LRRC28: variants seen among roughly 807,000 people sequenced by gnomAD.
LRRC28 encodes the protein leucine rich repeat containing 28, also known as leucine-rich repeat-containing protein 28.
Under a neutral mutation model 45.7 loss-of-function variants are expected in LRRC28, and 39 were observed. That is an observed-to-expected ratio of 0.85 (90% CI 0.66 to 1.12). The LOEUF (loss-of-function observed/expected upper bound fraction) is 1.12, where lower values mean the gene tolerates loss of function less well. Among genes scored for constraint, LRRC28 ranks in the 50% most tolerant of loss-of-function variants. The probability of loss-of-function intolerance (pLI) is 0.00; values close to 1 mark genes in which losing one functional copy is unlikely to be tolerated. For synonymous variants in LRRC28, 206 were observed against 178.8 expected (o/e 1.15, Z -1.22); for missense variants, 435 against 438.5 (o/e 0.99, Z 0.07).
intron 9 of LRRC28, among the ~76,000 whole-genome samples, chr15:99,364,537 A>G (rs983170117): frequency 2.0e-5 from 3 of 152,224 alleles, no homozygotes; most frequent in Non-Finnish European, 4.4e-5. Context: ...TTAAATTAGA[A>G]TAAAAATAAT....
chr15:99,270,918 A>C (rs959873958), intron 2 of LRRC28, among the ~76,000 whole-genome samples: 1 of 152,204 alleles, frequency 6.6e-6, no homozygotes, highest in Non-Finnish European at 1.5e-5. Context: ...ATTCTTGCCA[A>C]CACTTGTTAC....
chr15:99,303,175 G>C (rs922705489), intron 5 of LRRC28, among the ~76,000 whole-genome samples: 1 of 152,130 alleles, frequency 6.6e-6, no homozygotes, highest in Non-Finnish European at 1.5e-5. Context: ...TTTTATGGTA[G>C]CTATTCTAGT....
intron 6 of LRRC28, among the ~76,000 whole-genome samples, chr15:99,352,155 C>A (rs1956901413): frequency 6.6e-6 from 1 of 152,168 alleles, no homozygotes; most frequent in African/African-American, 2.4e-5. Context: ...GGTTTAGGAA[C>A]CTGACTAAAG....
At chr15:99,343,828 C>CATCT (rs1261572298) in intron 6 of LRRC28, among the ~76,000 whole-genome samples, 2 of 152,150 alleles carry the variant, frequency 1.3e-5, no homozygotes, top group African/African-American at 2.4e-5. Context: ...ATATAAGAAA[C>CATCT]ATCTCAAAGC....
In LRRC28 at chr15:99,387,548, AC is replaced by A. The variant is rs1319432790; in HGVS notation, c.*1447del. ...CTTCGACTTCTGCAAAAGTCCATAA[AC>A]AGAAAGTCTGTGAGCCTCCACCCTG... On this transcript the variant is annotated 3_prime_UTR_variant, in exon 10 of 10. Coordinates refer to ENST00000301981, the MANE Select transcript of LRRC28 (RefSeq NM_144598.5). The A allele has an allele frequency of 1.3e-5, 2 of 152,136 alleles. No homozygotes were observed. Among genetic ancestry groups the A allele is most frequent in the African/African-American group, 4.8e-5 (2 of 41,404 alleles). 9.4% of individuals were successfully genotyped at this position (152,136 alleles called of 1,614,324 possible). A position where few individuals can be genotyped will look rare whatever the true frequency, so the allele number is the denominator to read the frequency against.
intron 5 of LRRC28, among the ~76,000 whole-genome samples, chr15:99,310,095 G>GTATT (rs79748160): frequency 0.15 from 22,327 of 152,136 alleles, 1,670 homozygotes; most frequent in Non-Finnish European, 0.17. Context: ...TGACTGAAAT[G>GTATT]TATTAAAACA....
At chr15:99,278,961 C>A (rs2081700696) in intron 3 of LRRC28, among the ~76,000 whole-genome samples, 1 of 152,216 alleles carries the variant, frequency 6.6e-6, no homozygotes, top group South Asian at 2.1e-4. Flanking sequence ...AGAGCACTTC[C>A]CTCATTTCCT....
chr15:99,257,695 T>C, intron 2 of LRRC28: 2 of 761,288 alleles, frequency 2.6e-6, no homozygotes, highest in Non-Finnish European at 4.9e-6. Context: ...GTCAGAGCTG[T>C]TGATGAAGTT....
At chr15:99,368,866 G>A (rs1957407497) in intron 9 of LRRC28, among the ~76,000 whole-genome samples, 1 of 152,146 alleles carries the variant, frequency 6.6e-6, no homozygotes, top group Non-Finnish European at 1.5e-5. Context: ...TAATAATAAT[G>A]TGCTCAATTC....
intron 5 of LRRC28, among the ~76,000 whole-genome samples, chr15:99,307,619 C>T (rs181580586): frequency 3.6e-4 from 55 of 152,026 alleles, no homozygotes; most frequent in Admixed American, 2.2e-3. Context: ...AATAAATTTA[C>T]CTTCTTCCTC....
chr15:99,354,296 C>T (rs944276272), intron 7 of LRRC28, among the ~76,000 whole-genome samples: 8 of 152,312 alleles, frequency 5.3e-5, no homozygotes, highest in East Asian at 3.9e-4. Context: ...ACTTCTATGG[C>T]AAAATGTGCT....
intron 2 of LRRC28, chr15:99,257,802 T>G: frequency 2.6e-6 from 2 of 780,406 alleles, no homozygotes; most frequent in Non-Finnish European, 2.4e-6. Flanking sequence ...AGCTATTCAG[T>G]TGGATAAATT....
At position 99,363,078 on chromosome 15, in the gene LRRC28, G is replaced by A. The variant is rs150669604; in HGVS notation, c.872-28G>A. 2.6e-5 allele frequency: 41 copies of A among 1,583,632 alleles called. No homozygotes were observed. In the South Asian group the frequency reaches 2.7e-4, roughly 11 times the overall value. On this transcript the variant is annotated intron_variant, in intron 8 of 9. Transcript: ENST00000301981. ...TTAAGGAAGTCTGATTTTTTTACTC[G>A]TGTGCGTGATTTTCTTTTGTGTTCC...
chr15:99,319,278 T>G (rs1419788963), intron 5 of LRRC28, among the ~76,000 whole-genome samples: 1 of 152,042 alleles, frequency 6.6e-6, no homozygotes, highest in Non-Finnish European at 1.5e-5. Flanking sequence ...CTAGAAGAAG[T>G]CTATAAAATT....
intron 6 of LRRC28, among the ~76,000 whole-genome samples, chr15:99,348,331 G>A (rs564948679): frequency 3.3e-5 from 5 of 151,982 alleles, no homozygotes; most frequent in South Asian, 4.2e-4. Context: ...GTGTGATATC[G>A]AAAAAATCAT....
At chr15:99,258,229 C>G in intron 2 of LRRC28, 1 of 1,601,380 alleles carries the variant, frequency 6.2e-7, no homozygotes, top group South Asian at 1.1e-5. Flanking sequence ...ATTCCATCTT[C>G]CTTGTAGCAG....
At chr15:99,281,266 A>G (rs1235782401) in intron 3 of LRRC28, among the ~76,000 whole-genome samples, 1 of 151,444 alleles carries the variant, frequency 6.6e-6, no homozygotes, top group East Asian at 1.9e-4. Flanking sequence ...TGTTTTTGAG[A>G]CAGGGTCTTA....
chr15:99,301,934 T>C (rs1954985323), intron 5 of LRRC28, among the ~76,000 whole-genome samples: 2 of 152,206 alleles, frequency 1.3e-5, no homozygotes, highest in Admixed American at 6.5e-5. Flanking sequence ...ACATCACTTT[T>C]TTTTTTCTAC....
At chr15:99,375,510 T>G (rs186388049) in intron 9 of LRRC28, among the ~76,000 whole-genome samples, 47 of 152,344 alleles carry the variant, frequency 3.1e-4, no homozygotes, top group Admixed American at 1.3e-3. Context: ...TTCTTCTTCT[T>G]CTGCTTTTTC....
Sources: allele counts gnomAD v4.1 joint callset (sites outside exome capture counted in the v4.1 genomes callset), GRCh38; gene constraint gnomAD v4.1.1; transcripts MANE v1.5; gene names NCBI Gene and HGNC (gene_info 2026-07-23, HGNC 2026-07-21).